Variants in KCNC3 observed in about 807,000 individuals in gnomAD.
The protein encoded by KCNC3 is potassium voltage-gated channel subfamily C member 3, also known as voltage-gated potassium channel KCNC3.
A neutral mutation model predicts 43.9 loss-of-function variants in KCNC3; 22 were observed. The ratio of observed to expected loss-of-function variants is 0.50; its 90% confidence interval spans 0.36 to 0.72. The LOEUF (loss-of-function observed/expected upper bound fraction) is 0.72, where lower values mean the gene tolerates loss of function less well. Among genes scored for constraint, KCNC3 ranks in the 30% least tolerant of loss-of-function variants. The pLI, the probability that KCNC3 is intolerant of heterozygous loss-of-function variation, is 0.00. For synonymous variants in KCNC3, 492 were observed against 488.0 expected, an observed-to-expected ratio of 1.01 and a Z score of -0.11; for missense variants, 829 against 1,073.8, an observed-to-expected ratio of 0.77 and a Z score of 3.19.
At chr19:50,325,278 A>G (rs973021443) in intron 1 of KCNC3, among the ~76,000 whole-genome samples, 1 of 152,050 alleles carries the variant, frequency 6.6e-6, no homozygotes, top group East Asian at 1.9e-4. Context: ...GACAGGTGTT[A>G]TAGTAAAGAG....
chr19:50,321,716 G>A (rs947027056), intron 2 of KCNC3, among the ~76,000 whole-genome samples: 1 of 152,122 alleles, frequency 6.6e-6, no homozygotes, highest in African/African-American at 2.4e-5. Context: ...GTTGCAGTGA[G>A]CCAAGATGTT....
intron 1 of KCNC3, among the ~76,000 whole-genome samples, chr19:50,326,554 G>C (rs921853096): frequency 6.6e-6 from 1 of 152,214 alleles, no homozygotes; most frequent in Non-Finnish European, 1.5e-5. Flanking sequence ...CGGCACGGTG[G>C]GGGGAGGGGG....
In KCNC3 at chr19:50,323,620, T is replaced by A. The variant is rs2037065099; in HGVS notation, c.1333A>T (p.Thr445Ser). The change falls in exon 2 of 5, where the codon ACC becomes TCC. Residue 445 changes from threonine to serine, a missense_variant. By Grantham distance (58) the Thr-to-Ser change is moderately conservative (BLOSUM62 1). Transcript: ENST00000477616. ...ATGATGAGCAGCAGGAACTCGTTGG[T>A]GCTGGCGCGGAGCGTGTGTCCCAGC... is the stretch of plus-strand genomic sequence containing the variant. ...RVLGHTLRAS[T>S]NEFLLLIIFL... The A allele has an allele frequency of 6.2e-7, 1 of 1,614,186 alleles. No homozygotes were observed. Among genetic ancestry groups the A allele is most frequent in the Non-Finnish European group, 8.5e-7 (1 of 1,180,048 alleles).
rs2037064896 is a variant in KCNC3, at chr19:50,323,612, C to T, written c.1341G>A (p.Glu447=). 2 of 1,614,218 alleles carry T rather than the reference C, an allele frequency of 1.2e-6. No homozygotes were observed. Among genetic ancestry groups the T allele is most frequent in the East Asian group, 4.5e-5 (2 of 44,864 alleles). The stretch of plus-strand genomic sequence containing the variant: ...CCAGGAAGATGATGAGCAGCAGGAA[C>T]TCGTTGGTGCTGGCGCGGAGCGTGT... The part of the protein sequence containing the change: ...LGHTLRASTN[E]FLLLIIFLAL... Residue 447 remains glutamate (E), a synonymous_variant, in exon 2 of 5, where the codon GAG becomes GAA. Transcript: ENST00000477616.
chr19:50,324,207 C>T lies in KCNC3; in HGVS notation c.871-125G>A. On this transcript the variant is annotated intron_variant, in intron 1 of 4. Coordinates refer to ENST00000477616, the MANE Select transcript of KCNC3 (RefSeq NM_004977.3). The surrounding 1 kb of genome is among the most constrained non-coding windows in gnomAD (Gnocchi z 4.1). ...CTGGGCCCAAACTCTGGGCAAAATCCAGGTGTCTCAGCCCTGTGGCTCCAT... is the reference window on the plus strand; with the variant it reads ...CTGGGCCCAAACTCTGGGCAAAATCTAGGTGTCTCAGCCCTGTGGCTCCAT... 1.2e-6 allele frequency: 1 copy of T among 868,038 alleles called. No individual in the cohort carries two copies. Among genetic ancestry groups the T allele is most frequent in the Non-Finnish European group, 1.7e-6 (1 of 578,536 alleles). The allele number at this position is 868,038 out of a possible 1,614,324, so 53.8% of individuals were successfully genotyped here. A position where few individuals can be genotyped will look rare whatever the true frequency, so the allele number is the denominator to read the frequency against.
rs1243870878 is a variant in KCNC3 at position 50,329,089 on chromosome 19, G to C, written c.-7C>G. 32 of 1,013,128 alleles carry C rather than the reference G, an allele frequency of 3.2e-5. No individual in the cohort carries two copies. The highest frequency in any genetic ancestry group is 6.6e-5 in the East Asian group (2 of 30,206). The allele number at this position is 1,013,128 out of a possible 1,614,324, so 62.8% of individuals were successfully genotyped here. ...CGCAGACTGAGCTCAGCATTGGACG[G>C]GGGGCGGGGCGGGAGGGGCGGGGAC... On this transcript the variant is annotated 5_prime_UTR_variant, in exon 1 of 5. Transcript: ENST00000477616.
intron 1 of KCNC3, among the ~76,000 whole-genome samples, chr19:50,327,905 GCACGGGAGATT>G (rs2037125158): frequency 6.6e-6 from 1 of 151,534 alleles, no homozygotes; most frequent in Non-Finnish European, 1.5e-5. Flanking sequence ...GTTCAGAGAA[GCACGGGAGATT>G]CACGGTCTGG....
In KCNC3 at chr19:50,315,623, C is replaced by A. The variant is rs9917109; in HGVS notation, c.*492G>T. The A allele has an allele frequency of 0.62, 69,757 of 112,678 alleles. 21,486 individuals carry two copies. The highest frequency in any genetic ancestry group is 0.64 in the Non-Finnish European group (36,453 of 56,760). The allele number at this position is 112,678 out of a possible 1,614,324, so 7.0% of individuals were successfully genotyped here. ...AAGCTGGCAGTGCCCTTGGGGAATC[C>A]GATGAGAACTCCAGGAGCAGTGGGG... is the stretch of plus-strand genomic sequence containing the variant. On this transcript the variant is annotated 3_prime_UTR_variant, in exon 5 of 5. Transcript: ENST00000477616.
intron 4 of KCNC3, among the ~76,000 whole-genome samples, chr19:50,318,180 C>G (rs759183392): frequency 1.0e-4 from 15 of 148,580 alleles, no homozygotes; most frequent in Non-Finnish European, 1.3e-4. Context: ...TCTTCTTCTT[C>G]TTTTTTTTGA....
At chr19:50,326,577 C>T (rs1328760172) in intron 1 of KCNC3, among the ~76,000 whole-genome samples, 3 of 152,004 alleles carry the variant, frequency 2.0e-5, no homozygotes, top group African/African-American at 4.8e-5. Context: ...AAGACCTGCT[C>T]CTCTGTGTTT....
chr19:50,325,343 TAATCAGGGGC>T (rs1227577359), intron 1 of KCNC3, among the ~76,000 whole-genome samples: 1 of 151,964 alleles, frequency 6.6e-6, no homozygotes, highest in Non-Finnish European at 1.5e-5. Flanking sequence ...GTTTTGCTAT[TAATCAGGGGC>T]ACAGAGCACG....
chr19:50,318,991 CAAAAAAAAAAA>C (rs11326559), intron 4 of KCNC3, among the ~76,000 whole-genome samples: 1 of 71,458 alleles, frequency 1.4e-5, no homozygotes, highest in Non-Finnish European at 2.4e-5. Context: ...AAGACAGTCT[CAAAAAAAAAAA>C]AAAAAAAAAA....
In KCNC3 at chr19:50,329,094, C is replaced by G. The variant is rs1239424857; in HGVS notation, c.-12G>C. The G allele has an allele frequency of 1.4e-5, 1 of 69,698 alleles. No individual in the cohort carries two copies. Among genetic ancestry groups the G allele is most frequent in the South Asian group, 2.8e-4 (1 of 3,594 alleles). 4.3% of individuals were successfully genotyped at this position (69,698 alleles called of 1,614,324 possible). On this transcript the variant is annotated 5_prime_UTR_variant, in exon 1 of 5. Coordinates refer to ENST00000477616, the MANE Select transcript of KCNC3 (RefSeq NM_004977.3). ...ACTGAGCTCAGCATTGGACGGGGGGCGGGGCGGGAGGGGCGGGGACGCAGG... is the reference window on the plus strand; with the variant it reads ...ACTGAGCTCAGCATTGGACGGGGGGGGGGGCGGGAGGGGCGGGGACGCAGG...
rs1039570700 is a variant in KCNC3 at position 50,323,102 on chromosome 19, G to A, written c.1851C>T (p.Pro617=). The A allele has an allele frequency of 3.9e-6, 6 of 1,538,856 alleles. No homozygotes were observed. In the African/African-American group the frequency reaches 4.1e-5, roughly 11 times the overall value. The part of the protein sequence containing the change: ...VTVAGAYPAG[P]HTHPGLLRGG... The stretch of plus-strand genomic sequence containing the variant: ...CCCTGAGCAGCCCGGGGTGCGTGTG[G>A]GGCCCCGCTGGGTAGGCCCCGGCCA... Residue 617 remains proline, a synonymous_variant, in exon 2 of 5, where the codon CCC becomes CCT. Transcript: ENST00000477616.
Position 50,320,703 on chromosome 19 carries a change from G to A in KCNC3, c.2060C>T (p.Pro687Leu), listed in dbSNP as rs774054106. The A allele has an allele frequency of 8.7e-6, 14 of 1,613,786 alleles. No individual in the cohort carries two copies. The highest frequency in any genetic ancestry group is 1.3e-5 in the African/African-American group (1 of 74,842). ...AGGCGTGATGGGGCTCTTGTCTTCCGGGGACATGGCAGGCTGGTCAATGGC... is the reference window on the plus strand; with the variant it reads ...AGGCGTGATGGGGCTCTTGTCTTCCAGGGACATGGCAGGCTGGTCAATGGC... ...CPAIDQPAMS[P>L]EDKSPITPGS... is the part of the protein sequence containing the mutation. Residue 687 changes from proline (P) to leucine (L), a missense_variant, in exon 3 of 5, where the codon CCG (proline) becomes CTG (leucine). Coordinates refer to ENST00000477616, the MANE Select transcript of KCNC3 (RefSeq NM_004977.3).
In KCNC3 at chr19:50,315,972, G is replaced by C. The variant is rs1181312055; in HGVS notation, c.*143C>G. 2.6e-6 allele frequency: 1 copy of C among 385,056 alleles called. No individual in the cohort carries two copies. Among genetic ancestry groups the C allele is most frequent in the African/African-American group, 2.1e-5 (1 of 47,602 alleles). The allele number at this position is 385,056 out of a possible 1,614,324, so 23.9% of individuals were successfully genotyped here. On this transcript the variant is annotated 3_prime_UTR_variant, in exon 5 of 5. Coordinates refer to ENST00000477616, the MANE Select transcript of KCNC3 (RefSeq NM_004977.3). ...CTTGATCGTAGGAGGGAGGGCTTGG[G>C]GGGAGATTTGAAGCCCAGTGTCTTG... is the stretch of plus-strand genomic sequence containing the variant.
chr19:50,328,935 C>CAGG lies in KCNC3; in HGVS notation c.147_148insCCT (p.Ala49_Ala50insPro). On this transcript the variant is annotated inframe_insertion, in exon 1 of 5. Coordinates refer to ENST00000477616, the MANE Select transcript of KCNC3 (RefSeq NM_004977.3). ...GGTGCCGGGGGGCCCGCCGGGGACG[C>CAGG]GGCGGGGCCGGGCTGCGCAGGCTGC... The CAGG allele has an allele frequency of 2.5e-6, 2 of 813,072 alleles. No individual in the cohort carries two copies. Among genetic ancestry groups the CAGG allele is most frequent in the Non-Finnish European group, 3.0e-6 (2 of 674,166 alleles). The allele number at this position is 813,072 out of a possible 1,614,324, so 50.4% of individuals were successfully genotyped here.
chr19:50,328,871 C>T lies in KCNC3; in HGVS notation c.212G>A (p.Gly71Glu). 1 of 1,325,438 alleles carries T rather than the reference C, an allele frequency of 7.5e-7. No homozygotes were observed. The allele number at this position is 1,325,438 out of a possible 1,614,324, so 82.1% of individuals were successfully genotyped here. The change falls in exon 1 of 5, where the codon GGG becomes GAG. Residue 71 changes from glycine (G) to glutamate (E), a missense_variant. This residue lies in a region of KCNC3 where 121 missense variants were observed against 247.4 expected (regional missense o/e 0.49). Transcript: ENST00000477616. Reference sequence around the variant, plus strand: ...CCGCCCCATGGCCGCCGCCGGCAGCCCGGGGCATGGCTCGGCGCGCCGGTC... The same window carrying T: ...CCGCCCCATGGCCGCCGCCGGCAGCTCGGGGCATGGCTCGGCGCGCCGGTC... Reference protein sequence around the residue: ...PGDRRAEPCPGLPAAAMGRHG... With the variant: ...PGDRRAEPCPELPAAAMGRHG...
intron 2 of KCNC3, 129 bp from the exon 3 acceptor site, chr19:50,320,913 GAT>G (rs2037025237): frequency 2.3e-6 from 2 of 866,982 alleles, no homozygotes; most frequent in Non-Finnish European, 3.6e-6. Flanking sequence ...TGGAAGTGGA[GAT>G]TCAAGGGCAG....
Sources: gnomAD v4.1 joint callset for allele counts (sites outside exome capture counted in the v4.1 genomes callset) on GRCh38, gnomAD v4.1.1 for gene constraint, gnomAD v4.1.1 regional missense constraint, Gnocchi (gnomAD v3.1) non-coding constraint, MANE v1.5 for transcripts, NCBI Gene and HGNC (gene_info 2026-07-23, HGNC 2026-07-21) for gene names.